Variants in ARAP2 observed in about 807,000 individuals in gnomAD.
ARAP2 encodes arf-GAP with Rho-GAP domain, ANK repeat and PH domain-containing protein 2.
ARAP2 carries 148 observed loss-of-function variants against 194.5 expected under a neutral mutation model. That is an observed-to-expected ratio of 0.76 (90% CI 0.67 to 0.87). The LOEUF is 0.87. ARAP2 is among the 40% of genes least tolerant of loss of function. The pLI is 0.00. For missense variants in ARAP2, 2,128 were observed against 1,989.7 expected (o/e 1.07, Z -1.32); for synonymous variants, 695 against 683.5 (o/e 1.02, Z -0.26).
At chr4:36,030,895 G>C (rs1277383959) in intron 5 of ARAP2, among the ~76,000 whole-genome samples, 1 of 151,148 alleles carries the variant, frequency 6.6e-6, no homozygotes, top group Non-Finnish European at 1.5e-5. Context: ...ACTTTGGGAG[G>C]CCTAGTCGGG....
chr4:36,226,314 C>G (rs1432255341), intron 2 of ARAP2, among the ~76,000 whole-genome samples: 1 of 152,090 alleles, frequency 6.6e-6, no homozygotes, highest in Admixed American at 6.6e-5. Flanking sequence ...CTCCAGCATA[C>G]TTACTATTTT....
At chr4:36,162,619 T>TTTTTA (rs1553925775) in intron 11 of ARAP2, among the ~76,000 whole-genome samples, 15 of 151,074 alleles carry the variant, frequency 9.9e-5, no homozygotes, top group Non-Finnish European at 1.8e-4. Context: ...TTTTTTTTTT[T>TTTTTA]AAGTAGAAAC....
intron 32 of ARAP2, among the ~76,000 whole-genome samples, chr4:36,071,425 C>A (rs1223960098): frequency 6.6e-5 from 10 of 152,230 alleles, no homozygotes; most frequent in Non-Finnish European, 1.3e-4. Context: ...TGTGTGATTT[C>A]CTCGGCCAAC....
chr4:36,064,656 G>A (rs1162014555), downstream of ARAP2, among the ~76,000 whole-genome samples: 1 of 152,194 alleles, frequency 6.6e-6, no homozygotes, highest in Non-Finnish European at 1.5e-5. Flanking sequence ...GTTCCCTGTG[G>A]GGAGGGACAG....
chr4:36,183,830 T>C (rs936980768), intron 8 of ARAP2, among the ~76,000 whole-genome samples: 3 of 152,204 alleles, frequency 2.0e-5, no homozygotes, highest in African/African-American at 7.2e-5. Context: ...TTCCAAACTA[T>C]AATCCTGTCT....
intron 19 of ARAP2, among the ~76,000 whole-genome samples, chr4:36,144,181 T>C (rs932982695): frequency 2.0e-5 from 3 of 151,492 alleles, no homozygotes; most frequent in African/African-American, 7.3e-5. Flanking sequence ...GGTACAAAAA[T>C]ACGTTGGTTA....
Position 36,158,806 on chromosome 4 carries a change from G to A in ARAP2, c.2676C>T (p.Ser892=). The A allele has an allele frequency of 6.2e-7, 1 of 1,611,996 alleles. No individual in the cohort carries two copies. Among genetic ancestry groups the A allele is most frequent in the Non-Finnish European group, 8.5e-7 (1 of 1,179,028 alleles). ...GATATAAAAAGTCACAGAGGAATGTGGACTGGGAAGACTCTTGACTTAATA... is the reference window on the plus strand; with the variant it reads ...GATATAAAAAGTCACAGAGGAATGTAGACTGGGAAGACTCTTGACTTAATA... ...EGVLSQESSQ[S]TFLCDFLYQA... Residue 892 remains serine, a synonymous_variant, in exon 15 of 33, where the codon TCC becomes TCT. Transcript: ENST00000303965.
chr4:36,184,386 T>G (rs1476267299), intron 8 of ARAP2, among the ~76,000 whole-genome samples: 1 of 152,132 alleles, frequency 6.6e-6, no homozygotes, highest in Non-Finnish European at 1.5e-5. Flanking sequence ...CATTCAGTAA[T>G]TCCATGTGTA....
chr4:36,214,413 T>TA lies in ARAP2; in HGVS notation c.964+8dup, dbSNP rs1560687214. On this transcript the variant is annotated intron_variant, in intron 3 of 32. Transcript: ENST00000303965. ...CTAATTTAAGGAGACATTAAACACA[T>TA]AGACTCACTTTGCCATGCCACAGAT... is the stretch of plus-strand genomic sequence containing the variant. 6.3e-7 allele frequency: 1 copy of TA among 1,593,210 alleles called. No individual in the cohort carries two copies. The highest frequency in any genetic ancestry group is 8.6e-7 in the Non-Finnish European group (1 of 1,167,200).
chr4:36,137,242 A>G (rs991842095), intron 19 of ARAP2, among the ~76,000 whole-genome samples: 1 of 151,894 alleles, frequency 6.6e-6, no homozygotes, highest in Non-Finnish European at 1.5e-5. Context: ...TCTCTCATGC[A>G]CATGTGCACA....
At chr4:36,136,932 G>GCA (rs10551786) in intron 19 of ARAP2, among the ~76,000 whole-genome samples, 224 of 149,432 alleles carry the variant, frequency 1.5e-3, no homozygotes, top group Middle Eastern at 0.01. Context: ...ACGCGCGCGC[G>GCA]CACACACACA....
intron 32 of ARAP2, among the ~76,000 whole-genome samples, chr4:36,072,668 A>C (rs1242920990): frequency 8.3e-4 from 39 of 46,840 alleles, no homozygotes; most frequent in South Asian, 4.7e-3. Flanking sequence ...AAAAAAAAAC[A>C]AAAAAAAAAC....
chr4:36,241,037 C>T (rs1753408217), intron 1 of ARAP2, among the ~76,000 whole-genome samples: 1 of 152,154 alleles, frequency 6.6e-6, no homozygotes, highest in South Asian at 2.1e-4. Context: ...AGTTAATTCA[C>T]TAAGATTTGA....
At chr4:36,152,775 T>C (rs1387302636) in intron 15 of ARAP2, among the ~76,000 whole-genome samples, 2 of 152,146 alleles carry the variant, frequency 1.3e-5, no homozygotes, top group African/African-American at 2.4e-5. Flanking sequence ...CTACAATCCT[T>C]CCATAATATC....
intron 27 of ARAP2, among the ~76,000 whole-genome samples, chr4:36,104,455 G>T (rs921870336): frequency 6.6e-6 from 1 of 151,922 alleles, no homozygotes; most frequent in Non-Finnish European, 1.5e-5. Flanking sequence ...TCTGGAGTAG[G>T]TAGTCGTTGT....
intron 15 of ARAP2, among the ~76,000 whole-genome samples, chr4:36,152,429 G>A (rs1731213553): frequency 6.6e-6 from 1 of 152,090 alleles, no homozygotes; most frequent in Non-Finnish European, 1.5e-5. Flanking sequence ...AAGGGAGTTT[G>A]GAAGTAATTT....
chr4:36,173,229 A>G (rs1477625707), intron 9 of ARAP2, among the ~76,000 whole-genome samples: 1 of 152,152 alleles, frequency 6.6e-6, no homozygotes, highest in African/African-American at 2.4e-5. Flanking sequence ...ACAAATGGAA[A>G]CCAACGCCAA....
At chr4:36,201,530 G>A (rs762336750) in intron 6 of ARAP2, among the ~76,000 whole-genome samples, 58 of 151,932 alleles carry the variant, frequency 3.8e-4, no homozygotes, top group Non-Finnish European at 6.6e-4. Flanking sequence ...AGCTTTTTTC[G>A]AATAATTTAT....
chr4:36,079,636 A>C (rs1439884606), intron 31 of ARAP2, among the ~76,000 whole-genome samples: 1 of 152,190 alleles, frequency 6.6e-6, no homozygotes, highest in East Asian at 1.9e-4. Context: ...GAGTATAAGC[A>C]TTGGCCTCAG....
Sources: gnomAD v4.1 joint callset for allele counts (sites outside exome capture counted in the v4.1 genomes callset) on GRCh38, gnomAD v4.1.1 for gene constraint, MANE v1.5 for transcripts, NCBI Gene and HGNC (gene_info 2026-07-23, HGNC 2026-07-21) for gene names.